Variants in LRP1B observed in about 807,000 individuals in gnomAD.
LRP1B encodes the protein low-density lipoprotein receptor-related protein 1B.
LRP1B carries 217 observed loss-of-function variants against 556.6 expected under a neutral mutation model. That is an observed-to-expected ratio of 0.39 (90% CI 0.35 to 0.44). The LOEUF (loss-of-function observed/expected upper bound fraction) is 0.44. Among genes scored for constraint, LRP1B ranks in the 20% least tolerant of loss-of-function variants. The probability of loss-of-function intolerance (pLI) is 1.00; values close to 1 mark genes in which losing one functional copy is unlikely to be tolerated. For synonymous variants in LRP1B, 2,047 were observed against 1,865.8 expected (o/e 1.10, Z -2.50); for missense variants, 5,053 against 5,620.8 (o/e 0.90, Z 3.23).
In LRP1B at chr2:140,487,716, T is replaced by A. The variant is rs2105366935; in HGVS notation, c.9144A>T (p.Ile3048=). ...LKQGLNNVIA[I]DFDYREEFIY... Reference sequence around the variant, plus strand: ...TGAATTCTTCTCTGTAATCAAAGTCTATAGCAATAACATTGTTTAATCCCT... The same window carrying A: ...TGAATTCTTCTCTGTAATCAAAGTCAATAGCAATAACATTGTTTAATCCCT... Residue 3048 remains isoleucine, a synonymous_variant, in exon 58 of 91, where the codon ATA becomes ATT. Coordinates refer to ENST00000389484, the MANE Select transcript of LRP1B (RefSeq NM_018557.3). 1 of 1,562,832 alleles carries A rather than the reference T, an allele frequency of 6.4e-7. No individual in the cohort carries two copies. Among genetic ancestry groups the A allele is most frequent in the Non-Finnish European group, 8.8e-7 (1 of 1,139,778 alleles).
chr2:141,282,860 C>T (rs140775298), intron 3 of LRP1B, among the ~76,000 whole-genome samples: 59 of 152,100 alleles, frequency 3.9e-4, no homozygotes, highest in Middle Eastern at 3.4e-3. Context: ...AAATGTCTTA[C>T]GGGTGTAGAG....
chr2:141,131,407 T>TTTTATATATATATATATATATATA lies in LRP1B; in HGVS notation c.1013+57013_1013+57014insTATATATATATATATATATATAAA, dbSNP rs976965390. Among the ~76,000 whole-genome samples the TTTTATATATATATATATATATATA allele has an allele frequency of 7.0e-4, 77 of 110,684 alleles. 2 individuals carry two copies. The highest frequency in any genetic ancestry group is 2.9e-3 in the African/African-American group (74 of 25,846). The allele number at this position is 110,684 out of a possible 152,430, so 72.6% of individuals were successfully genotyped here. ...GGTTACAAAATTATAATGCATAAAG[T>TTTTATATATATATATATATATATA]TATATATATATATATATATATATTT... On this transcript the variant is annotated intron_variant, in intron 7 of 90. Transcript: ENST00000389484.
intron 62 of LRP1B, among the ~76,000 whole-genome samples, chr2:140,453,415 A>C (rs991982105): frequency 1.3e-5 from 2 of 152,084 alleles, no homozygotes; most frequent in African/African-American, 2.4e-5. Flanking sequence ...GTAACTTAAA[A>C]AAGATTAATG....
chr2:140,234,995 A>T (rs1440254421), intron 89 of LRP1B, 111 bp from the exon 90 acceptor site: 1 of 552,140 alleles, frequency 1.8e-6, no homozygotes, highest in Non-Finnish European at 3.3e-6. Flanking sequence ...CTTTAGCCTT[A>T]CACCATTTAC....
At chr2:142,016,182 A>C (rs1703124788) in intron 1 of LRP1B, among the ~76,000 whole-genome samples, 1 of 151,930 alleles carries the variant, frequency 6.6e-6, no homozygotes, top group Non-Finnish European at 1.5e-5. Context: ...CAGGAAACAG[A>C]TGCTGGAGAG....
At chr2:141,219,431 T>C (rs300372) in intron 6 of LRP1B, among the ~76,000 whole-genome samples, 145,407 of 152,298 alleles carry the variant, frequency 0.95, 69,747 homozygotes, top group South Asian at 1. Flanking sequence ...CAGGGTTTTA[T>C]GGATAAAACT....
intron 6 of LRP1B, among the ~76,000 whole-genome samples, chr2:141,220,961 A>G (rs1201347806): frequency 6.6e-6 from 1 of 151,728 alleles, no homozygotes; most frequent in Non-Finnish European, 1.5e-5. Flanking sequence ...CCAGCCACTA[A>G]AAAGTACACA....
chr2:140,923,223 T>G (rs1318718929), intron 20 of LRP1B, 76 bp from the exon 21 acceptor site: 15 of 1,163,748 alleles, frequency 1.3e-5, no homozygotes, highest in Non-Finnish European at 1.8e-5. Flanking sequence ...TTGTTGGTAG[T>G]TTTTATTTCA....
chr2:141,810,629 T>C (rs1696325402), intron 1 of LRP1B, among the ~76,000 whole-genome samples: 1 of 152,086 alleles, frequency 6.6e-6, no homozygotes. Context: ...CACTATCTGT[T>C]CTGGAAATAG....
At chr2:141,994,872 GC>G (rs1702446094) in intron 1 of LRP1B, among the ~76,000 whole-genome samples, 3 of 152,060 alleles carry the variant, frequency 2.0e-5, no homozygotes, top group Non-Finnish European at 4.4e-5. Context: ...TTGAGATTAT[GC>G]TTTCCTAATA....
At chr2:141,332,766 G>A (rs989052215) in intron 3 of LRP1B, among the ~76,000 whole-genome samples, 4 of 146,076 alleles carry the variant, frequency 2.7e-5, no homozygotes, top group African/African-American at 1.0e-4. Flanking sequence ...GTTACTGCAT[G>A]TTCCCCTTGA....
At chr2:141,853,501 C>T (rs7570381) in intron 1 of LRP1B, among the ~76,000 whole-genome samples, 3 of 151,152 alleles carry the variant, frequency 2.0e-5, no homozygotes, top group African/African-American at 7.3e-5. Context: ...TGCTATTAGT[C>T]AAAATTTTGA....
At chr2:140,460,423 TAACA>T (rs1687269754) in intron 60 of LRP1B, among the ~76,000 whole-genome samples, 1 of 152,192 alleles carries the variant, frequency 6.6e-6, no homozygotes, top group East Asian at 1.9e-4. Context: ...AAGAAACATT[TAACA>T]AACAAACCCT....
At chr2:141,661,229 C>T (rs923515333) in intron 2 of LRP1B, among the ~76,000 whole-genome samples, 2 of 152,076 alleles carry the variant, frequency 1.3e-5, no homozygotes, top group South Asian at 2.1e-4. Flanking sequence ...AAGGAATCCA[C>T]GAAAAAAATG....
intron 40 of LRP1B, 72 bp from the exon 41 acceptor site, chr2:140,700,693 TA>T: frequency 6.8e-7 from 1 of 1,467,134 alleles, no homozygotes; most frequent in South Asian, 1.2e-5. Context: ...AAATTCTCCA[TA>T]AAGAAATATT....
intron 1 of LRP1B, among the ~76,000 whole-genome samples, chr2:141,861,171 G>C (rs918522143): frequency 4.0e-5 from 6 of 151,850 alleles, no homozygotes; most frequent in Admixed American, 2.0e-4. Context: ...TTAAAGTTTT[G>C]CCTTTGGCCC....
At chr2:141,676,231 G>A (rs1161317652) in intron 2 of LRP1B, among the ~76,000 whole-genome samples, 2 of 152,014 alleles carry the variant, frequency 1.3e-5, no homozygotes, top group African/African-American at 2.4e-5. Context: ...CAGGAATCAT[G>A]TCTGATTCAT....
rs527854950 is a variant in LRP1B, at chr2:140,316,600, G to A, written c.12641-1501C>T. The stretch of plus-strand genomic sequence containing the variant: ...AAATTACAGTGGTATAATGAGACCC[G>A]TGTAGGTCCTGGTTCTGCCGCTTAC... On this transcript the variant is annotated intron_variant, in intron 82 of 90. Transcript: ENST00000389484. 1.8e-4 allele frequency among the ~76,000 whole-genome samples: 27 copies of A among 152,202 alleles called. No individual in the cohort carries two copies. The South Asian group carries it at 4.4e-3, about 25-fold the overall frequency.
intron 2 of LRP1B, among the ~76,000 whole-genome samples, chr2:141,757,036 G>C (rs905877461): frequency 2.0e-5 from 3 of 151,970 alleles, no homozygotes; most frequent in African/African-American, 7.3e-5. Context: ...GCCTTTAGAA[G>C]CATTATCTTT....
Sources: allele counts gnomAD v4.1 joint callset (sites outside exome capture counted in the v4.1 genomes callset), GRCh38; gene constraint gnomAD v4.1.1; transcripts MANE v1.5; gene names NCBI Gene and HGNC (gene_info 2026-07-23, HGNC 2026-07-21).